The following ZMIZ1 variants were observed in gnomAD, a reference collection of about 807,000 sequenced individuals.
The protein encoded by ZMIZ1 is zinc finger MIZ domain-containing protein 1.
ZMIZ1 carries 17 observed loss-of-function variants against 113.9 expected under a neutral mutation model. The observed-to-expected ratio is 0.15, with a 90% CI of 0.10 to 0.22. ZMIZ1 has a LOEUF of 0.22. Ranked by LOEUF, ZMIZ1 falls within the 10% of genes least tolerant of loss-of-function variation. ZMIZ1 has a pLI of 1.00. For missense variants in ZMIZ1, 1,059 were observed against 1,477.8 expected, an observed-to-expected ratio of 0.72 and a Z score of 4.65; for synonymous variants, 607 against 603.1, an observed-to-expected ratio of 1.01 and a Z score of -0.09.
At chr10:79,252,824 A>G (rs1564553467) in intron 7 of ZMIZ1, among the ~76,000 whole-genome samples, 1 of 152,238 alleles carries the variant, frequency 6.6e-6, no homozygotes, top group Non-Finnish European at 1.5e-5. Flanking sequence ...CTGCACCGTC[A>G]GTACAGCACT....
chr10:79,244,616 C>A (rs1850082285), intron 7 of ZMIZ1, among the ~76,000 whole-genome samples: 1 of 152,182 alleles, frequency 6.6e-6, no homozygotes, highest in Non-Finnish European at 1.5e-5. Context: ...GGCGAGACTG[C>A]CAGATGAGTG....
chr10:79,108,928 C>T (rs763164136), intron 1 of ZMIZ1, among the ~76,000 whole-genome samples: 76 of 152,182 alleles, frequency 5.0e-4, no homozygotes, highest in Non-Finnish European at 9.4e-4. Context: ...CCCAGACCCA[C>T]GCCTGAGTGG....
At chr10:79,183,153 A>G (rs1481009378) in intron 4 of ZMIZ1, among the ~76,000 whole-genome samples, 1 of 152,222 alleles carries the variant, frequency 6.6e-6, no homozygotes, top group African/African-American at 2.4e-5. Context: ...GGCCCCTTTC[A>G]GGCCCCATGG....
intron 1 of ZMIZ1, among the ~76,000 whole-genome samples, chr10:79,076,969 GGAGCTGACCTTTGT>G (rs1842496073): frequency 6.6e-6 from 1 of 152,194 alleles, no homozygotes; most frequent in Non-Finnish European, 1.5e-5. Flanking sequence ...CAGCCCTCCA[GGAGCTGACCTTTGT>G]CCTTTGCAGA....
At chr10:79,151,553 T>C (rs1399814049) in intron 3 of ZMIZ1, among the ~76,000 whole-genome samples, 2 of 152,194 alleles carry the variant, frequency 1.3e-5, no homozygotes, top group Non-Finnish European at 2.9e-5. Flanking sequence ...TTAGCCCAAG[T>C]GGGTGTCAGC....
At chr10:79,145,718 G>A (rs1845452653) in intron 3 of ZMIZ1, among the ~76,000 whole-genome samples, 1 of 152,106 alleles carries the variant, frequency 6.6e-6, no homozygotes, top group South Asian at 2.1e-4. Flanking sequence ...GCCAGAATTA[G>A]CCTTTTTACT....
intron 4 of ZMIZ1, among the ~76,000 whole-genome samples, chr10:79,177,115 G>A (rs2132553965): frequency 6.6e-6 from 1 of 152,344 alleles, no homozygotes; most frequent in African/African-American, 2.4e-5. Flanking sequence ...TGAAGCGTGG[G>A]CCTGCTCACA....
At position 79,282,079 on chromosome 10, in the gene ZMIZ1, C is replaced by T. The variant is rs182779103; in HGVS notation, c.425+4754C>T. ...GGCAATTGAAAGTTACACAGTCTCT[C>T]CTTGCAACCTTTAGGAATTTCACAA... On this transcript the variant is annotated intron_variant, in intron 8 of 24. Transcript: ENST00000334512. Among the ~76,000 whole-genome samples, 11 of 152,306 alleles carry T rather than the reference C, an allele frequency of 7.2e-5. No homozygotes were observed. The East Asian group carries it at 1.5e-3, about 21-fold the overall frequency.
At chr10:79,139,614 G>A (rs2132408424) in intron 2 of ZMIZ1, 68 bp from the exon 3 acceptor site, 1 of 398,138 alleles carries the variant, frequency 2.5e-6, no homozygotes, top group South Asian at 1.3e-4. Flanking sequence ...AGGGACAGAG[G>A]TGGGAGGGGA....
At chr10:79,113,070 A>C (rs962523235) in intron 1 of ZMIZ1, among the ~76,000 whole-genome samples, 5 of 152,214 alleles carry the variant, frequency 3.3e-5, no homozygotes, top group African/African-American at 1.2e-4. Context: ...TGCCCTGTGT[A>C]CCAGGGCAAG....
chr10:79,129,899 C>G (rs1357119905), intron 2 of ZMIZ1, among the ~76,000 whole-genome samples: 5 of 152,234 alleles, frequency 3.3e-5, no homozygotes, highest in Non-Finnish European at 7.3e-5. Flanking sequence ...TGGTGGCCTG[C>G]TGGCCTGCAG....
chr10:79,157,767 A>T (rs371171707), intron 3 of ZMIZ1, among the ~76,000 whole-genome samples: 2 of 152,256 alleles, frequency 1.3e-5, no homozygotes, highest in African/African-American at 4.8e-5. Context: ...TTGGATAACC[A>T]TGGGGTAAAT....
At position 79,158,172 on chromosome 10, in the gene ZMIZ1, G is replaced by A. The variant is rs78164305; in HGVS notation, c.-130-3881G>A. ...CTTGGTGTCTGCATCTGCACACCCC[G>A]TATCTTGTTAAGGCCTCACAGCTAT... On this transcript the variant is annotated intron_variant, in intron 3 of 24. Transcript: ENST00000334512. Among the ~76,000 whole-genome samples, 168 of 152,288 alleles carry A rather than the reference G, an allele frequency of 1.1e-3. 5 individuals are homozygous for A. In the East Asian group the frequency reaches 0.029, roughly 26 times the overall value.
intron 4 of ZMIZ1, among the ~76,000 whole-genome samples, chr10:79,189,405 C>T (rs1847502518): frequency 6.6e-6 from 1 of 152,236 alleles, no homozygotes; most frequent in East Asian, 1.9e-4. Context: ...CCCACCAGGG[C>T]ACTCTAGAGA....
chr10:79,277,561 T>G (rs561323245), intron 8 of ZMIZ1, among the ~76,000 whole-genome samples: 36 of 152,366 alleles, frequency 2.4e-4, no homozygotes, highest in Non-Finnish European at 4.9e-4. Context: ...GGTTCTAGGC[T>G]TCTGGCAGAA....
chr10:79,175,337 T>TGCCTCC (rs1246974037), intron 4 of ZMIZ1, among the ~76,000 whole-genome samples: 1 of 152,232 alleles, frequency 6.6e-6, no homozygotes, highest in Non-Finnish European at 1.5e-5. Context: ...GCTCTGGCTC[T>TGCCTCC]GCCTCCTTCT....
intron 2 of ZMIZ1, among the ~76,000 whole-genome samples, chr10:79,123,404 C>G (rs1018321052): frequency 6.6e-6 from 1 of 152,106 alleles, no homozygotes; most frequent in African/African-American, 2.4e-5. Flanking sequence ...AGGGATTCAA[C>G]GAAGTAAGCC....
intron 6 of ZMIZ1, among the ~76,000 whole-genome samples, chr10:79,210,382 A>T (rs960298564): frequency 2.0e-5 from 3 of 152,222 alleles, no homozygotes; most frequent in African/African-American, 7.2e-5. Flanking sequence ...GTTGGGGGAC[A>T]GGCCCTGTGC....
At chr10:79,241,246 T>C (rs77170794) in intron 7 of ZMIZ1, among the ~76,000 whole-genome samples, 6,239 of 152,262 alleles carry the variant, frequency 0.041, 205 homozygotes, top group South Asian at 0.15. Context: ...TTTCTGGGTG[T>C]CATTTGCTGA....
Sources: allele counts gnomAD v4.1 joint callset (sites outside exome capture counted in the v4.1 genomes callset), GRCh38; gene constraint gnomAD v4.1.1; transcripts MANE v1.5; gene names NCBI Gene and HGNC (gene_info 2026-07-23, HGNC 2026-07-21).